Variants in COL14A1 observed in about 807,000 individuals in gnomAD.
COL14A1 encodes collagen alpha-1(XIV) chain.
A neutral mutation model predicts 230.3 loss-of-function variants in COL14A1; 136 were observed. The observed-to-expected ratio is 0.59, with a 90% CI of 0.51 to 0.68. COL14A1 has a LOEUF of 0.68. COL14A1 is among the 30% of genes least tolerant of loss of function. COL14A1 has a pLI of 0.00. For missense variants in COL14A1, 1,976 were observed against 2,215.8 expected (o/e 0.89, Z 2.17); for synonymous variants, 792 against 784.1 (o/e 1.01, Z -0.17).
At chr8:120,266,380 C>G (rs993166805) in intron 24 of COL14A1, among the ~76,000 whole-genome samples, 2 of 152,030 alleles carry the variant, frequency 1.3e-5, no homozygotes, top group Admixed American at 1.3e-4. Flanking sequence ...GAATCAGAGT[C>G]CACTGGTGAC....
chr8:120,307,008 A>G (rs2130064656), intron 36 of COL14A1, among the ~76,000 whole-genome samples: 1 of 152,346 alleles, frequency 6.6e-6, no homozygotes, highest in East Asian at 1.9e-4. Flanking sequence ...GGACAATAGG[A>G]CATTTATTGT....
intron 14 of COL14A1, among the ~76,000 whole-genome samples, chr8:120,220,277 A>AT (rs34611162): frequency 0.021 from 3,007 of 141,940 alleles, 115 homozygotes; most frequent in African/African-American, 0.072. Context: ...CATGCAATTG[A>AT]TTTTTTTTTT....
intron 38 of COL14A1, among the ~76,000 whole-genome samples, chr8:120,314,751 A>C (rs1196962725): frequency 1.3e-5 from 2 of 152,258 alleles, no homozygotes; most frequent in East Asian, 3.8e-4. Context: ...AGAAAGCATT[A>C]ACATGCCAAT....
intron 45 of COL14A1, among the ~76,000 whole-genome samples, chr8:120,358,378 A>G (rs1330231646): frequency 6.6e-6 from 1 of 152,110 alleles, no homozygotes; most frequent in Non-Finnish European, 1.5e-5. Flanking sequence ...TATTCCTCAT[A>G]ATACATGAAA....
intron 1 of COL14A1, among the ~76,000 whole-genome samples, chr8:120,128,669 T>C (rs1388575074): frequency 1.3e-5 from 2 of 152,126 alleles, no homozygotes; most frequent in African/African-American, 4.8e-5. Flanking sequence ...AGAGAGTCTA[T>C]AGGAAATTCT....
chr8:120,209,675 C>T, intron 11 of COL14A1, 81 bp from the exon 12 acceptor site: 1 of 1,383,718 alleles, frequency 7.2e-7, no homozygotes, highest in Admixed American at 2.2e-5. Flanking sequence ...CAAATATGGT[C>T]AATCTTATTT....
intron 40 of COL14A1, among the ~76,000 whole-genome samples, chr8:120,329,494 C>A (rs1200201472): frequency 6.6e-6 from 1 of 152,016 alleles, no homozygotes; most frequent in African/African-American, 2.4e-5. Context: ...ATAGTCCCAG[C>A]CATGTGGGAG....
At chr8:120,218,310 A>G (rs1326707392) in intron 14 of COL14A1, among the ~76,000 whole-genome samples, 2 of 144,726 alleles carry the variant, frequency 1.4e-5, no homozygotes, top group Non-Finnish European at 3.0e-5. Flanking sequence ...AATATATATC[A>G]TATATATATA....
Position 120,266,832 on chromosome 8 carries a change from C to T in COL14A1, c.3022C>T (p.Leu1008Phe), listed in dbSNP as rs569478326. ...TTTCTCCCTTTCCTTTACAGAATCACTTCCTACACGACCACCAACTTTTCC... is the reference window on the plus strand; with the variant it reads ...TTTCTCCCTTTCCTTTACAGAATCATTTCCTACACGACCACCAACTTTTCC... ...SVSIMEKTQS[L>F]PTRPPTFPPT... The change falls in exon 25 of 48, where the codon CTT becomes TTT. Residue 1008 changes from leucine to phenylalanine, a missense_variant. Transcript: ENST00000297848. 4.4e-4 allele frequency: 711 copies of T among 1,611,786 alleles called. 12 individuals carry two copies. The South Asian group carries it at 7.6e-3, about 17-fold the overall frequency.
At chr8:120,186,469 C>T (rs1816654855) in intron 5 of COL14A1, among the ~76,000 whole-genome samples, 1 of 152,172 alleles carries the variant, frequency 6.6e-6, no homozygotes, top group African/African-American at 2.4e-5. Flanking sequence ...ATTCAAAGCC[C>T]CTAAATGAAT....
At chr8:120,306,814 T>C (rs1363443714) in intron 36 of COL14A1, among the ~76,000 whole-genome samples, 3 of 152,196 alleles carry the variant, frequency 2.0e-5, no homozygotes, top group Non-Finnish European at 4.4e-5. Context: ...TTATTATTAT[T>C]TGAATAAAAT....
In COL14A1 at chr8:120,370,718, C is replaced by T. The variant is rs755271989; in HGVS notation, c.5312-434C>T. 19 of 1,403,178 alleles carry T rather than the reference C, an allele frequency of 1.4e-5. 1 individual carries two copies. The Middle Eastern group carries it at 2.5e-3, about 183-fold the overall frequency. 86.9% of individuals were successfully genotyped at this position (1,403,178 alleles called of 1,614,324 possible). A position where few individuals can be genotyped will look rare whatever the true frequency, so the allele number is the denominator to read the frequency against. The stretch of plus-strand genomic sequence containing the variant: ...AAGTTACTTAACTGTGCCTCTTCCT[C>T]CTTCCTCTCCCCACACAGGATGGAT... On this transcript the variant is annotated intron_variant, in intron 47 of 47. Transcript: ENST00000297848.
At chr8:120,323,328 A>T (rs1821528146) in intron 40 of COL14A1, among the ~76,000 whole-genome samples, 2 of 151,878 alleles carry the variant, frequency 1.3e-5, no homozygotes, top group Non-Finnish European at 2.9e-5. Flanking sequence ...CCTTTGTCAG[A>T]TGCATAGTTT....
At chr8:120,361,531 T>C (rs1298600372) in intron 45 of COL14A1, among the ~76,000 whole-genome samples, 1 of 152,238 alleles carries the variant, frequency 6.6e-6, no homozygotes, top group Non-Finnish European at 1.5e-5. Context: ...TCCAGTACCT[T>C]GCTCTTAGTA....
chr8:120,222,642 G>T (rs539317047), intron 14 of COL14A1, among the ~76,000 whole-genome samples: 1 of 152,270 alleles, frequency 6.6e-6, no homozygotes, highest in Non-Finnish European at 1.5e-5. Context: ...CTACAGACGT[G>T]TAGATTCTTT....
intron 45 of COL14A1, among the ~76,000 whole-genome samples, chr8:120,355,882 A>G (rs1359304247): frequency 6.6e-6 from 1 of 152,228 alleles, no homozygotes; most frequent in African/African-American, 2.4e-5. Flanking sequence ...ATCTTATAGA[A>G]TAAGTCAGCA....
intron 36 of COL14A1, among the ~76,000 whole-genome samples, chr8:120,302,191 T>C (rs929466670): frequency 6.6e-6 from 1 of 152,362 alleles, no homozygotes; most frequent in African/African-American, 2.4e-5. Flanking sequence ...AGGTTGTCTG[T>C]TTACTCTGTT....
intron 19 of COL14A1, 87 bp downstream of exon 19, chr8:120,231,705 A>T (rs1818274634): frequency 7.3e-7 from 1 of 1,364,368 alleles, no homozygotes; most frequent in Non-Finnish European, 1.0e-6. Flanking sequence ...TGCAAACTTT[A>T]CTGCTCTTTT....
intron 2 of COL14A1, 68 bp from the exon 3 acceptor site, chr8:120,158,062 C>A: frequency 1.2e-6 from 1 of 847,270 alleles, no homozygotes; most frequent in Non-Finnish European, 1.9e-6. Flanking sequence ...ACTACTTTGA[C>A]TTTCTGATTT....
Sources: allele counts gnomAD v4.1 joint callset (sites outside exome capture counted in the v4.1 genomes callset), GRCh38; gene constraint gnomAD v4.1.1; transcripts MANE v1.5; gene names NCBI Gene and HGNC (gene_info 2026-07-23, HGNC 2026-07-21).